The following TGIF1 variants were observed in gnomAD, a reference collection of about 807,000 sequenced individuals.
TGIF1 encodes the protein TGFB induced factor homeobox 1, also known as homeobox protein TGIF1.
Under a neutral mutation model 19.3 loss-of-function variants are expected in TGIF1, and 4 were observed. That is an observed-to-expected ratio of 0.21 (90% CI 0.10 to 0.47). The LOEUF (loss-of-function observed/expected upper bound fraction) is 0.47, where lower values mean the gene tolerates loss of function less well. Ranked by LOEUF, TGIF1 falls within the 20% of genes least tolerant of loss-of-function variation. TGIF1 has a pLI of 0.98. For missense variants in TGIF1, 275 were observed against 341.4 expected (o/e 0.81, Z 1.53); for synonymous variants, 122 against 129.3 (o/e 0.94, Z 0.38).
chr18:3,449,773 C>G (rs2082841116), upstream of TGIF1: 2 of 985,364 alleles, frequency 2.0e-6, no homozygotes. Context: ...AAAAACGAGA[C>G]GGGGAGGCTT....
chr18:3,455,289 T>G (rs1468086797), intron 1 of TGIF1: 1 of 152,232 alleles, frequency 6.6e-6, no homozygotes, highest in African/African-American at 2.4e-5. Context: ...TATTTAATTT[T>G]TTTTAAGTTC....
chr18:3,447,461 A>G (rs561202376), upstream of TGIF1: 21 of 558,096 alleles, frequency 3.8e-5, no homozygotes, highest in East Asian at 1.6e-4. Flanking sequence ...CACCTCGAGA[A>G]AAACGAATCA....
intron 2 of TGIF1, among the ~76,000 whole-genome samples, chr18:3,426,168 T>C (rs1330410985): frequency 7.2e-6 from 1 of 138,838 alleles, no homozygotes; most frequent in Non-Finnish European, 1.6e-5. Context: ...CTAGGGTCCT[T>C]TTTTTTTTTT....
Position 3,457,328 on chromosome 18 carries a change from A to G in TGIF1, c.244-37A>G, listed in dbSNP as rs765994114. 2.5e-5 allele frequency: 40 copies of G among 1,609,580 alleles called. No homozygotes were observed. The Admixed American group carries it at 6.5e-4, about 26-fold the overall frequency. On this transcript the variant is annotated intron_variant, in intron 2 of 2. Coordinates refer to ENST00000343820, the MANE Select transcript of TGIF1 (RefSeq NM_003244.4). This position sits in a 1 kb window ranked among gnomAD's most constrained non-coding sequence, Gnocchi z 4.9. ...TTCTCAGAACCCGTTGGCTGAGTGA[A>G]TGAGGAAAATGTTAAAGCGTACCGA... is the stretch of plus-strand genomic sequence containing the variant.
In TGIF1 at chr18:3,450,595, C is replaced by T. The variant is rs916720787; in HGVS notation, c.16+90C>T. On this transcript the variant is annotated intron_variant, in intron 1 of 2. Coordinates refer to ENST00000343820, the MANE Select transcript of TGIF1 (RefSeq NM_003244.4). ...GCGCCGCGCGGAGTCACTTGGTGGA[C>T]TTTTCCGCCCAGGGGCTCTCATGCT... The T allele has an allele frequency of 3.2e-6, 5 of 1,546,920 alleles. No individual in the cohort carries two copies. The Admixed American group carries it at 9.8e-5, about 30-fold the overall frequency.
At chr18:3,436,892 G>T (rs1176865916) in intron 2 of TGIF1, among the ~76,000 whole-genome samples, 4 of 151,598 alleles carry the variant, frequency 2.6e-5, no homozygotes, top group African/African-American at 9.7e-5. Context: ...ATCATTCCAG[G>T]TCAGGAGTTC....
chr18:3,439,030 C>T (rs894934506), intron 2 of TGIF1, among the ~76,000 whole-genome samples: 1 of 152,012 alleles, frequency 6.6e-6, no homozygotes, highest in Admixed American at 6.6e-5. Flanking sequence ...TCATTTAGAC[C>T]GAGGAATAAG....
At chr18:3,424,174 AT>A (rs2082440729) in intron 2 of TGIF1, among the ~76,000 whole-genome samples, 1 of 152,168 alleles carries the variant, frequency 6.6e-6, no homozygotes, top group African/African-American at 2.4e-5. Context: ...TATTGTAGCT[AT>A]TTCTCTAATT....
At chr18:3,453,932 G>GT (rs1334680759) in intron 1 of TGIF1, 1 of 722,456 alleles carries the variant, frequency 1.4e-6, no homozygotes, top group African/African-American at 1.9e-5. Flanking sequence ...TAGGAAATGA[G>GT]TAAGGAGGAA....
chr18:3,438,248 T>A (rs114039586), intron 2 of TGIF1, among the ~76,000 whole-genome samples: 92 of 152,250 alleles, frequency 6.0e-4, no homozygotes, highest in African/African-American at 2.2e-3. Context: ...AAAAAGTTGG[T>A]TTAGTTTTTA....
At chr18:3,448,491 C>T, upstream of TGIF1, 2 of 989,952 alleles carry the variant, frequency 2.0e-6, no homozygotes, top group Non-Finnish European at 2.4e-6. Flanking sequence ...GGGCAGCGTC[C>T]GGGCGGGTGG....
At chr18:3,453,978 G>C (rs2083081632) in intron 1 of TGIF1, 2 of 327,196 alleles carry the variant, frequency 6.1e-6, no homozygotes, top group South Asian at 2.4e-4. Context: ...GCCACAACTA[G>C]GAGGGAGAGT....
At chr18:3,436,105 CTT>C (rs1164045235) in intron 2 of TGIF1, among the ~76,000 whole-genome samples, 1 of 152,154 alleles carries the variant, frequency 6.6e-6, no homozygotes, top group Admixed American at 6.5e-5. Flanking sequence ...CTCTTTTATT[CTT>C]TGTTTACTTA....
chr18:3,413,836 G>A (rs1047525318), intron 1 of TGIF1, among the ~76,000 whole-genome samples: 6 of 152,068 alleles, frequency 3.9e-5, no homozygotes, highest in African/African-American at 1.4e-4. Context: ...TATGGCTGCC[G>A]TAATAAAAAT....
chr18:3,427,104 C>G (rs557364076), intron 2 of TGIF1, among the ~76,000 whole-genome samples: 1 of 151,456 alleles, frequency 6.6e-6, no homozygotes, highest in Non-Finnish European at 1.5e-5. Flanking sequence ...CCACCATGCC[C>G]GGCTAATTTT....
upstream of TGIF1, chr18:3,449,551 AC>A (rs1372190954): frequency 1.0e-5 from 1 of 100,070 alleles, no homozygotes; most frequent in Non-Finnish European, 1.5e-5. Flanking sequence ...CCCCCGCCCC[AC>A]CCCCGCCGAC....
intron 2 of TGIF1, among the ~76,000 whole-genome samples, chr18:3,441,438 G>T (rs148687249): frequency 2.0e-5 from 3 of 152,276 alleles, no homozygotes; most frequent in African/African-American, 4.8e-5. Context: ...TTGAACAGGA[G>T]AATTCTTGGT....
chr18:3,452,124 TCCCC>T (rs761753994), intron 1 of TGIF1: 19 of 1,612,914 alleles, frequency 1.2e-5, no homozygotes. Flanking sequence ...TTTTCTGGCG[TCCCC>T]CCGACTCTCC....
At position 3,456,263 on chromosome 18, in the gene TGIF1, AT is replaced by A. The variant is rs1804131265; in HGVS notation, c.17-90del. 2 of 1,213,502 alleles carry A rather than the reference AT, an allele frequency of 1.6e-6. No individual in the cohort carries two copies. Among genetic ancestry groups the A allele is most frequent in the Admixed American group, 3.4e-5 (2 of 59,560 alleles). 75.2% of individuals were successfully genotyped at this position (1,213,502 alleles called of 1,614,324 possible). Reference sequence around the variant, plus strand: ...CCTCGCTCTCAGTTGTTGGGAAAGCATGGTTACATTGAATGGTCAGCGTTAA... The same window carrying A: ...CCTCGCTCTCAGTTGTTGGGAAAGCAGGTTACATTGAATGGTCAGCGTTAA... On this transcript the variant is annotated intron_variant, in intron 1 of 2. Coordinates refer to ENST00000343820, the MANE Select transcript of TGIF1 (RefSeq NM_003244.4). The surrounding 1 kb of genome is among the most constrained non-coding windows in gnomAD (Gnocchi z 4.2).
Sources: allele counts gnomAD v4.1 joint callset (sites outside exome capture counted in the v4.1 genomes callset), GRCh38; gene constraint gnomAD v4.1.1; non-coding constraint Gnocchi (gnomAD v3.1); transcripts MANE v1.5; gene names NCBI Gene and HGNC (gene_info 2026-07-23, HGNC 2026-07-21).